Variants in ACTN3 observed in about 807,000 individuals in gnomAD.
The protein encoded by ACTN3 is alpha-actinin-3.
Under a neutral mutation model 119.6 loss-of-function variants are expected in ACTN3, and 91 were observed. That is an observed-to-expected ratio of 0.76 (90% confidence interval 0.64 to 0.91). ACTN3 has a LOEUF of 0.91. Among genes scored for constraint, ACTN3 ranks in the 40% least tolerant of loss-of-function variants. The pLI is 0.00. For missense variants in ACTN3, 1,221 were observed against 1,215.1 expected, an observed-to-expected ratio of 1.00 and a Z score of -0.07; for synonymous variants, 456 against 478.8, an observed-to-expected ratio of 0.95 and a Z score of 0.62.
rs767110458 is a variant in ACTN3, at chr11:66,562,250, C to A, written c.2323-7C>A. ...GACCAAGCCTGATAACCACTCACCCCCTACAGAAGCAGAATGGGATGATGG... is the reference window on the plus strand; with the variant it reads ...GACCAAGCCTGATAACCACTCACCCACTACAGAAGCAGAATGGGATGATGG... On this transcript the variant is annotated splice_region_variant and splice_polypyrimidine_tract_variant and intron_variant, in intron 18 of 20. Transcript: ENST00000513398. The A allele has an allele frequency of 1.3e-5, 21 of 1,613,730 alleles. No individual in the cohort carries two copies. Among genetic ancestry groups the A allele is most frequent in the Non-Finnish European group, 1.6e-5 (19 of 1,179,870 alleles).
chr11:66,557,864 C>T lies in ACTN3; in HGVS notation c.1063C>T (p.Leu355=), dbSNP rs1028169154. The change falls in exon 10 of 21, where the codon CTG becomes TTG. Residue 355 remains leucine (L), a synonymous_variant. Coordinates refer to ENST00000513398, the MANE Select transcript of ACTN3 (RefSeq NM_001104.4). The part of the protein sequence containing the change: ...KCQLEINFNT[L]QTKLRLSHRP... ...CCAGCTGGAGATCAACTTCAACACA[C>T]TGCAGACCAAGTTGCGGCTCAGCCA... 2 of 1,614,110 alleles carry T rather than the reference C, an allele frequency of 1.2e-6. No individual in the cohort carries two copies. The highest frequency in any genetic ancestry group is 2.7e-5 in the African/African-American group (2 of 74,944).
chr11:66,557,792 C>T lies in ACTN3; in HGVS notation c.991C>T (p.Arg331Trp), dbSNP rs1232811519. 29 of 1,613,704 alleles carry T rather than the reference C, an allele frequency of 1.8e-5. No individual in the cohort carries two copies. Among genetic ancestry groups the T allele is most frequent in the East Asian group, 4.5e-5 (2 of 44,882 alleles). The change falls in exon 10 of 21, where the codon CGG (arginine) becomes TGG (tryptophan). Residue 331 changes from arginine to tryptophan, a missense_variant. This residue lies in a region of ACTN3 where 934 missense variants were observed against 899.9 expected (regional missense o/e 1.04). Transcript: ENST00000513398. Reference sequence around the variant, plus strand: ...CATGCAGCGCAAACTAGAGGACTTTCGGGACTACCGGCGTCTGCACAAGCC... The same window carrying T: ...CATGCAGCGCAAACTAGAGGACTTTTGGGACTACCGGCGTCTGCACAAGCC... Reference protein sequence around the residue: ...SAMQRKLEDFRDYRRLHKPPR... With the variant: ...SAMQRKLEDFWDYRRLHKPPR...
Position 66,546,928 on chromosome 11 carries a change from C to T in ACTN3, c.-10C>T, listed in dbSNP as rs1476651563. 1 of 1,538,000 alleles carries T rather than the reference C, an allele frequency of 6.5e-7. No homozygotes were observed. The highest frequency in any genetic ancestry group is 1.4e-5 in the African/African-American group (1 of 72,488). On this transcript the variant is annotated 5_prime_UTR_variant, in exon 1 of 21. Transcript: ENST00000513398. The stretch of plus-strand genomic sequence containing the variant: ...GTGCCGAGCGGAGCGAAGCCAGGAG[C>T]CCGATCGAGATGATGATGGTTATGC...
In ACTN3 at chr11:66,560,225, C is replaced by T. The variant is rs749033120; in HGVS notation, c.1591C>T (p.Arg531Trp). Residue 531 changes from arginine (R) to tryptophan (W), a missense_variant, in exon 14 of 21, where the codon CGG becomes TGG. Arg to Trp is a moderately radical substitution (Grantham distance 101). Coordinates refer to ENST00000513398, the MANE Select transcript of ACTN3 (RefSeq NM_001104.4). Reference protein sequence around the residue: ...IDRLQLEFARRAAPFNNWLDG... With the variant: ...IDRLQLEFARWAAPFNNWLDG... Reference sequence around the variant, plus strand: ...CCGGCTGCAACTGGAGTTTGCCCGGCGGGCCGCGCCCTTCAACAACTGGCT... The same window carrying T: ...CCGGCTGCAACTGGAGTTTGCCCGGTGGGCCGCGCCCTTCAACAACTGGCT... 2.2e-5 allele frequency: 36 copies of T among 1,611,828 alleles called. No individual in the cohort carries two copies. The highest frequency in any genetic ancestry group is 3.3e-4 in the Middle Eastern group (2 of 6,076).
chr11:66,555,866 C>G (rs1356337073), intron 7 of ACTN3, among the ~76,000 whole-genome samples: 2 of 152,214 alleles, frequency 1.3e-5, no homozygotes, highest in Non-Finnish European at 2.9e-5. Context: ...AGGCATGAGA[C>G]AGCGTGGACC....
Position 66,562,866 on chromosome 11 carries a change from C to T in ACTN3, c.2459C>T (p.Ala820Val). 1.2e-6 allele frequency: 2 copies of T among 1,613,770 alleles called. No individual in the cohort carries two copies. The highest frequency in any genetic ancestry group is 2.2e-5 in the East Asian group (1 of 44,874). ...GCAGCTGGGGTGGTGACCTTCCAGG[C>T]CTTCATAGACTTCATGACCCGAGAG... ...PNAAGVVTFQ[A>V]FIDFMTRETA... The change falls in exon 20 of 21, where the codon GCC (alanine) becomes GTC (valine). Residue 820 changes from alanine to valine, a missense_variant. By Grantham distance (64) the Ala-to-Val change is moderately conservative. This residue lies in a region of ACTN3 where 934 missense variants were observed against 899.9 expected (regional missense o/e 1.04). Coordinates refer to ENST00000513398, the MANE Select transcript of ACTN3 (RefSeq NM_001104.4).
chr11:66,547,029 A>T lies in ACTN3; in HGVS notation c.92A>T (p.Glu31Val). ...GGGGEYMEQE[E>V]DWDRDLLLDP... ...GGCGGCGAGTACATGGAACAGGAGG[A>T]GGACTGGGACCGCGACCTGCTGCTG... The change falls in exon 1 of 21, where the codon GAG becomes GTG. Residue 31 changes from glutamate to valine, a missense_variant. Physicochemically the swap from Glu to Val is moderately radical, Grantham distance 121. Transcript: ENST00000513398. 1 of 1,518,664 alleles carries T rather than the reference A, an allele frequency of 6.6e-7. No individual in the cohort carries two copies. 94.1% of individuals were successfully genotyped at this position (1,518,664 alleles called of 1,614,324 possible).
chr11:66,558,323 A>G, intron 11 of ACTN3, 149 bp downstream of exon 11: 1 of 1,215,364 alleles, frequency 8.2e-7, no homozygotes, highest in Non-Finnish European at 1.1e-6. Flanking sequence ...TCCCACCCTG[A>G]CTTGCTGTGG....
chr11:66,553,285 G>A (rs903663230), intron 3 of ACTN3, among the ~76,000 whole-genome samples: 2 of 151,822 alleles, frequency 1.3e-5, no homozygotes, highest in Admixed American at 1.3e-4. Context: ...TGGGTGCAGT[G>A]GCTCACGACT....
At chr11:66,550,126 C>A (rs184469093) in intron 1 of ACTN3, among the ~76,000 whole-genome samples, 2 of 152,268 alleles carry the variant, frequency 1.3e-5, no homozygotes, top group East Asian at 1.9e-4. Context: ...AAGAATCCTG[C>A]CAGGCTGGAA....
chr11:66,559,816 C>T (rs946048347), intron 12 of ACTN3, 152 bp from the exon 13 acceptor site: 4 of 274,154 alleles, frequency 1.5e-5, no homozygotes, highest in Non-Finnish European at 2.2e-5. Context: ...GCTGGTACCG[C>T]CCCTCTTGGA....
chr11:66,555,339 G>A lies in ACTN3; in HGVS notation c.690G>A (p.Leu230=). The part of the protein sequence containing the change: ...NTAFEVAEKY[L]DIPKMLDAED... ...CCTTTGAGGTGGCAGAGAAATACCTGGACATCCCCAAGATGTTGGATGCAG... is the reference window on the plus strand; with the variant it reads ...CCTTTGAGGTGGCAGAGAAATACCTAGACATCCCCAAGATGTTGGATGCAG... The change falls in exon 7 of 21, where the codon CTG becomes CTA. Residue 230 remains leucine, a synonymous_variant. Transcript: ENST00000513398. The A allele has an allele frequency of 6.2e-7, 1 of 1,614,088 alleles. No individual in the cohort carries two copies. Among genetic ancestry groups the A allele is most frequent in the South Asian group, 1.1e-5 (1 of 91,082 alleles).
intron 11 of ACTN3, 150 bp downstream of exon 11, chr11:66,558,324 C>A: frequency 8.4e-7 from 1 of 1,195,330 alleles, no homozygotes; most frequent in Non-Finnish European, 1.1e-6. Flanking sequence ...CCCACCCTGA[C>A]TTGCTGTGGT....
intron 8 of ACTN3, 40 bp from the exon 9 acceptor site, chr11:66,557,093 A>G (rs2134930878): frequency 6.5e-7 from 1 of 1,540,686 alleles, no homozygotes; most frequent in Non-Finnish European, 8.8e-7. Context: ...TACAGAAGCA[A>G]TTTGCTTTAA....
At chr11:66,561,147 T>C (rs752808547) in intron 15 of ACTN3, 80 bp from the exon 16 acceptor site, 3 of 1,448,094 alleles carry the variant, frequency 2.1e-6, no homozygotes, top group Non-Finnish European at 2.7e-6. Context: ...GGGCTGAGGT[T>C]TGAGGGGCTG....
intron 7 of ACTN3, 76 bp downstream of exon 7, chr11:66,555,443 G>A (rs867607341): frequency 4.7e-6 from 7 of 1,477,260 alleles, no homozygotes; most frequent in Middle Eastern, 1.7e-4. Context: ...ACCTTTGCAC[G>A]GCCCTTTCCT....
At chr11:66,548,418 G>C (rs535179263) in intron 1 of ACTN3, among the ~76,000 whole-genome samples, 1 of 151,154 alleles carries the variant, frequency 6.6e-6, no homozygotes, top group Non-Finnish European at 1.5e-5. Flanking sequence ...CATATGACAC[G>C]TGCCAGTCTG....
rs1451545087 is a variant in ACTN3 at position 66,555,469 on chromosome 11, C to T, written c.718+102C>T. 15 of 1,166,648 alleles carry T rather than the reference C, an allele frequency of 1.3e-5. No individual in the cohort carries two copies. In the East Asian group the frequency reaches 2.1e-4, roughly 17 times the overall value. 72.3% of individuals were successfully genotyped at this position (1,166,648 alleles called of 1,614,324 possible). A position where few individuals can be genotyped will look rare whatever the true frequency, so the allele number is the denominator to read the frequency against. Reference sequence around the variant, plus strand: ...GCCCTTTCCTCCTCCTGGGATGCTCCGACCACCCCCACCCCACTCCCTGGT... The same window carrying T: ...GCCCTTTCCTCCTCCTGGGATGCTCTGACCACCCCCACCCCACTCCCTGGT... On this transcript the variant is annotated intron_variant, in intron 7 of 20. Transcript: ENST00000513398.
chr11:66,562,225 G>A, intron 18 of ACTN3, 32 bp from the exon 19 acceptor site: 1 of 1,613,852 alleles, frequency 6.2e-7, no homozygotes, highest in Non-Finnish European at 8.5e-7. Flanking sequence ...GGAGGCTGGA[G>A]ACCAAGCCTG....
Sources: allele counts gnomAD v4.1 joint callset (sites outside exome capture counted in the v4.1 genomes callset), GRCh38; gene constraint gnomAD v4.1.1; regional missense constraint gnomAD v4.1.1; transcripts MANE v1.5; gene names NCBI Gene and HGNC (gene_info 2026-07-23, HGNC 2026-07-21).